RGS12: variants seen among roughly 807,000 people sequenced by gnomAD.
The protein encoded by RGS12 is regulator of G-protein signaling 12.
Under a neutral mutation model 120.1 loss-of-function variants are expected in RGS12, and 66 were observed. The observed-to-expected ratio is 0.55, with a 90% CI of 0.45 to 0.67. The LOEUF is 0.67. Ranked by LOEUF, RGS12 falls within the 30% of genes least tolerant of loss-of-function variation. RGS12 has a pLI of 0.00. For synonymous variants in RGS12, 827 were observed against 804.7 expected (o/e 1.03, Z -0.47); for missense variants, 1,859 against 1,957.7 (o/e 0.95, Z 0.95).
At position 3,430,642 on chromosome 4, in the gene RGS12, C is replaced by T; in HGVS notation, c.3801C>T (p.Ser1267=). The change falls in exon 17 of 18, where the codon AGC becomes AGT. Residue 1267 remains serine (S), a synonymous_variant. Transcript: ENST00000336727. ...AGCAGTGGGAGCCAGTCCAGGAGAG[C>T]AGCGACAGCCCGTCCACCAGCCCGG... The part of the protein sequence containing the change: ...PGEQWEPVQE[S]SDSPSTSPGS... 6.2e-7 allele frequency: 1 copy of T among 1,600,080 alleles called. No individual in the cohort carries two copies. Among genetic ancestry groups the T allele is most frequent in the Non-Finnish European group, 8.5e-7 (1 of 1,172,484 alleles).
At chr4:3,391,976 T>C (rs1719551779) in intron 4 of RGS12, among the ~76,000 whole-genome samples, 1 of 152,242 alleles carries the variant, frequency 6.6e-6, no homozygotes, top group South Asian at 2.1e-4. Flanking sequence ...CTGGAACTTT[T>C]AACCTAAGGA....
chr4:3,436,087 T>G (rs1047508744), intron 17 of RGS12, among the ~76,000 whole-genome samples: 30 of 152,184 alleles, frequency 2.0e-4, no homozygotes, highest in African/African-American at 7.0e-4. Flanking sequence ...TCACACACAG[T>G]CATGATCCTG....
chr4:3,345,940 G>A (rs186311186), intron 3 of RGS12, among the ~76,000 whole-genome samples: 1 of 152,020 alleles, frequency 6.6e-6, no homozygotes, highest in East Asian at 1.9e-4. Flanking sequence ...TCCTTTTTGT[G>A]GAGAATGGGG....
chr4:3,397,488 G>A (rs750261027), intron 4 of RGS12, among the ~76,000 whole-genome samples: 8 of 152,190 alleles, frequency 5.3e-5, no homozygotes, highest in East Asian at 1.9e-4. Flanking sequence ...GAGAGTAGTC[G>A]TGTGTGCACA....
chr4:3,395,385 C>T (rs367657293), intron 4 of RGS12, among the ~76,000 whole-genome samples: 1 of 152,218 alleles, frequency 6.6e-6, no homozygotes, highest in African/African-American at 2.4e-5. Context: ...TTGATGACAT[C>T]GTGTTGGTTC....
At chr4:3,432,175 G>C in intron 17 of RGS12, 1 of 985,134 alleles carries the variant, frequency 1.0e-6, no homozygotes, top group Non-Finnish European at 1.2e-6. Flanking sequence ...CATCATCACT[G>C]GACTGGCTTA....
At chr4:3,291,005 C>A (rs2110337464), upstream of RGS12, among the ~76,000 whole-genome samples, 1 of 152,382 alleles carries the variant, frequency 6.6e-6, no homozygotes, top group East Asian at 1.9e-4. Context: ...GAAACAGCTT[C>A]TTGGGCCACC....
At chr4:3,424,223 G>A (rs1043624023) in intron 13 of RGS12, among the ~76,000 whole-genome samples, 1 of 152,266 alleles carries the variant, frequency 6.6e-6, no homozygotes, top group African/African-American at 2.4e-5. Context: ...GTGCTCTGGA[G>A]CGTGGGGGTT....
the RGS12 span, among the ~76,000 whole-genome samples, chr4:3,287,343 T>A: frequency 6.6e-6 from 1 of 152,018 alleles, no homozygotes; most frequent in African/African-American, 2.4e-5. Context: ...TCAAGGCACA[T>A]CACATGGTCT....
Position 3,316,641 on chromosome 4 carries a change from T to C in RGS12, c.471T>C (p.Cys157=), listed in dbSNP as rs1374712894. Reference sequence around the variant, plus strand: ...TGATTTTTGAAAACCCGAGCCTTTGTGCGAGCAATTCAGAGCCCTTGAAAT... The same window carrying C: ...TGATTTTTGAAAACCCGAGCCTTTGCGCGAGCAATTCAGAGCCCTTGAAAT... The part of the protein sequence containing the change: ...FNMIFENPSL[C]ASNSEPLKLK... Residue 157 remains cysteine (C), a synonymous_variant, in exon 2 of 18, where the codon TGT becomes TGC. Transcript: ENST00000336727. 1.2e-6 allele frequency: 2 copies of C among 1,614,158 alleles called. No individual in the cohort carries two copies. Among genetic ancestry groups the C allele is most frequent in the East Asian group, 4.5e-5 (2 of 44,882 alleles).
At chr4:3,313,011 C>T (rs955855318) in intron 1 of RGS12, 9 of 152,000 alleles carry the variant, frequency 5.9e-5, no homozygotes, top group African/African-American at 2.2e-4. Context: ...ATGACTGTGC[C>T]ACTGCACTCC....
At chr4:3,341,062 C>T (rs971637459) in intron 2 of RGS12, among the ~76,000 whole-genome samples, 1 of 151,008 alleles carries the variant, frequency 6.6e-6, no homozygotes, top group Non-Finnish European at 1.5e-5. Flanking sequence ...GTGGTGGCGT[C>T]CCTCCCCGAG....
At chr4:3,434,710 GC>G (rs1484321030) in intron 17 of RGS12, among the ~76,000 whole-genome samples, 7 of 152,344 alleles carry the variant, frequency 4.6e-5, no homozygotes, top group South Asian at 2.1e-4. Context: ...AATGCACAGT[GC>G]TCCTTCTGTA....
intron 3 of RGS12, among the ~76,000 whole-genome samples, chr4:3,375,051 C>T (rs888273680): frequency 1.1e-4 from 16 of 152,222 alleles, no homozygotes; most frequent in African/African-American, 3.4e-4. Flanking sequence ...TTCATAACCC[C>T]GTAACCAACC....
At chr4:3,296,435 C>T (rs1191271236) in intron 1 of RGS12, among the ~76,000 whole-genome samples, 1 of 152,266 alleles carries the variant, frequency 6.6e-6, no homozygotes, top group African/African-American at 2.4e-5. Flanking sequence ...AGTGATCCTC[C>T]TGCCTTAGCT....
At chr4:3,436,614 G>A (rs934556666) in intron 17 of RGS12, among the ~76,000 whole-genome samples, 1 of 152,194 alleles carries the variant, frequency 6.6e-6, no homozygotes, top group African/African-American at 2.4e-5. Context: ...CTCCCGCTGT[G>A]CCTGCCAGGG....
intron 4 of RGS12, among the ~76,000 whole-genome samples, chr4:3,400,388 G>T (rs1720458966): frequency 6.6e-6 from 1 of 152,070 alleles, no homozygotes; most frequent in African/African-American, 2.4e-5. Flanking sequence ...TTTTTGTGGG[G>T]CTCTCACTTT....
chr4:3,323,336 C>T (rs951571880), intron 2 of RGS12, among the ~76,000 whole-genome samples: 1 of 152,258 alleles, frequency 6.6e-6, no homozygotes, highest in Admixed American at 6.5e-5. Context: ...AGACACAATG[C>T]GAACAGCACT....
Position 3,317,913 on chromosome 4 carries a change from A to G in RGS12, c.1743A>G (p.Ala581=). 1 of 1,614,150 alleles carries G rather than the reference A, an allele frequency of 6.2e-7. No individual in the cohort carries two copies. Among genetic ancestry groups the G allele is most frequent in the Non-Finnish European group, 8.5e-7 (1 of 1,180,032 alleles). Residue 581 remains alanine (A), a synonymous_variant, in exon 2 of 18, where the codon GCA becomes GCG. Transcript: ENST00000336727. ...TLPPPMSKIP[A]DRYRVEGSFA... ...CCCCTCCTATGAGCAAGATCCCCGC[A>G]GACCGCTACAGGGTGGAGGGCAGCT...
Sources: gnomAD v4.1 joint callset for allele counts (sites outside exome capture counted in the v4.1 genomes callset) on GRCh38, gnomAD v4.1.1 for gene constraint, MANE v1.5 for transcripts, NCBI Gene and HGNC (gene_info 2026-07-23, HGNC 2026-07-21) for gene names.